Variants in PPARGC1B observed in about 807,000 individuals in gnomAD.
PPARGC1B encodes peroxisome proliferator-activated receptor gamma coactivator 1-beta.
In PPARGC1B, 34 loss-of-function variants were observed where a neutral mutation model predicts 101.6. The observed-to-expected ratio is 0.33, with a 90% CI of 0.25 to 0.45. PPARGC1B has a LOEUF of 0.45. Ranked by LOEUF, PPARGC1B falls within the 20% of genes least tolerant of loss-of-function variation. PPARGC1B has a pLI of 1.00. For missense variants in PPARGC1B, 1,234 were observed against 1,317.6 expected (o/e 0.94, Z 0.98); for synonymous variants, 548 against 539.3 (o/e 1.02, Z -0.22).
At chr5:149,755,443 C>T (rs571018058) in intron 1 of PPARGC1B, among the ~76,000 whole-genome samples, 105 of 152,044 alleles carry the variant, frequency 6.9e-4, no homozygotes, top group African/African-American at 2.4e-3. Context: ...AGAGCCAATA[C>T]TTCAGAGCTG....
chr5:149,816,229 T>A (rs1227501988), intron 1 of PPARGC1B, among the ~76,000 whole-genome samples: 1 of 152,216 alleles, frequency 6.6e-6, no homozygotes, highest in East Asian at 1.9e-4. Context: ...CTGAGGTTTC[T>A]TTGTTTTTAT....
intron 1 of PPARGC1B, among the ~76,000 whole-genome samples, chr5:149,746,974 A>G (rs1755116484): frequency 6.6e-6 from 1 of 152,148 alleles, no homozygotes; most frequent in Non-Finnish European, 1.5e-5. Context: ...GTTGACATTT[A>G]GTTCTCTTTA....
rs761739239 is a variant in PPARGC1B at position 149,832,791 on chromosome 5, C to A, written c.718C>A (p.Pro240Thr). The change falls in exon 5 of 12, where the codon CCC (proline) becomes ACC (threonine). Residue 240 changes from proline to threonine, a missense_variant. This residue lies in a region of PPARGC1B where 734 missense variants were observed against 768.4 expected (regional missense o/e 0.96). Coordinates refer to ENST00000309241, the MANE Select transcript of PPARGC1B (RefSeq NM_133263.4). This position sits in a 1 kb window ranked among gnomAD's most constrained non-coding sequence, Gnocchi z 4.9. ...RGLQPPCLQS[P>T]RLPAKEDKEP... ...TCTGCAGCCACCATGCCTCCAGAGT[C>A]CCCGGCTCCCTGCCAAGGAGGACAA... 1.2e-6 allele frequency: 2 copies of A among 1,612,916 alleles called. No individual in the cohort carries two copies. The highest frequency in any genetic ancestry group is 1.7e-6 in the Non-Finnish European group (2 of 1,179,444).
intron 1 of PPARGC1B, among the ~76,000 whole-genome samples, chr5:149,743,051 GC>G (rs1446207900): frequency 6.6e-6 from 1 of 152,118 alleles, no homozygotes; most frequent in East Asian, 1.9e-4. Context: ...TTTATTCAGG[GC>G]CCACTGTGTG....
intron 1 of PPARGC1B, among the ~76,000 whole-genome samples, chr5:149,740,702 A>T (rs1276275540): frequency 8.5e-5 from 13 of 152,172 alleles, no homozygotes; most frequent in Admixed American, 8.5e-4. Context: ...AACTTCTCTG[A>T]CCTCAGTTTC....
intron 2 of PPARGC1B, among the ~76,000 whole-genome samples, chr5:149,822,931 G>A (rs1251629186): frequency 1.3e-5 from 2 of 152,188 alleles, no homozygotes; most frequent in Non-Finnish European, 2.9e-5. Flanking sequence ...TGGGAATCAC[G>A]GAGTCTTGCT....
intron 1 of PPARGC1B, among the ~76,000 whole-genome samples, chr5:149,739,349 C>T (rs990419208): frequency 6.6e-6 from 1 of 152,206 alleles, no homozygotes; most frequent in South Asian, 2.1e-4. Context: ...GACTGGCTTT[C>T]CCCATTTTGT....
At chr5:149,746,808 T>C (rs188360327) in intron 1 of PPARGC1B, among the ~76,000 whole-genome samples, 24 of 152,300 alleles carry the variant, frequency 1.6e-4, no homozygotes, top group Admixed American at 1.1e-3. Context: ...CTAATGGATG[T>C]GAGGTGGTTA....
rs761639999 is a variant in PPARGC1B at position 149,833,873 on chromosome 5, G to A, written c.1705+95G>A. The A allele has an allele frequency of 7.6e-5, 108 of 1,414,242 alleles. No individual in the cohort carries two copies. Among genetic ancestry groups the A allele is most frequent in the African/African-American group, 6.2e-4 (43 of 69,560 alleles). 87.6% of individuals were successfully genotyped at this position (1,414,242 alleles called of 1,614,324 possible). On this transcript the variant is annotated intron_variant, in intron 5 of 11. Coordinates refer to ENST00000309241, the MANE Select transcript of PPARGC1B (RefSeq NM_133263.4). This position sits in a 1 kb window ranked among gnomAD's most constrained non-coding sequence, Gnocchi z 4.1. ...CCAGGAGCCCTGTGTTCAAGTCCCC[G>A]TCCCCCAACAAAGTGTTATATGGGT...
intron 7 of PPARGC1B, 74 bp downstream of exon 7, chr5:149,835,439 T>C (rs1759010369): frequency 7.5e-7 from 1 of 1,341,842 alleles, no homozygotes; most frequent in Non-Finnish European, 1.1e-6. Flanking sequence ...TCATCATGCA[T>C]GGGCAAGGTG....
intron 3 of PPARGC1B, 43 bp from the exon 4 acceptor site, chr5:149,830,724 T>C (rs1045897662): frequency 1.4e-6 from 2 of 1,454,926 alleles, no homozygotes; most frequent in African/African-American, 1.4e-5. Flanking sequence ...GTCCTCTGGC[T>C]GTGGCTCAGC....
intron 1 of PPARGC1B, among the ~76,000 whole-genome samples, chr5:149,809,077 A>G (rs1338517970): frequency 6.6e-6 from 1 of 151,624 alleles, no homozygotes; most frequent in Non-Finnish European, 1.5e-5. Flanking sequence ...GGAGTTTGAG[A>G]CCGGCCTGGA....
intron 8 of PPARGC1B, among the ~76,000 whole-genome samples, chr5:149,839,131 T>C (rs1175418732): frequency 3.3e-5 from 5 of 152,304 alleles, no homozygotes; most frequent in East Asian, 1.9e-4. Flanking sequence ...AGAGATTACA[T>C]AGAAAAATAG....
chr5:149,823,934 C>G (rs1461708704), intron 2 of PPARGC1B, among the ~76,000 whole-genome samples: 1 of 152,180 alleles, frequency 6.6e-6, no homozygotes, highest in Non-Finnish European at 1.5e-5. Context: ...TAGTCCTACC[C>G]CTGACTCACT....
intron 1 of PPARGC1B, among the ~76,000 whole-genome samples, chr5:149,749,132 G>A (rs2113112888): frequency 6.6e-6 from 1 of 152,124 alleles, no homozygotes; most frequent in Non-Finnish European, 1.5e-5. Context: ...GAATCGGTGG[G>A]GCCAGGCACC....
intron 1 of PPARGC1B, among the ~76,000 whole-genome samples, chr5:149,796,786 G>A (rs2113276322): frequency 6.6e-6 from 1 of 152,304 alleles, no homozygotes; most frequent in East Asian, 1.9e-4. Context: ...GCCATTTACT[G>A]ACCTAGGAGA....
chr5:149,775,328 C>T (rs1431695119), intron 1 of PPARGC1B, among the ~76,000 whole-genome samples: 1 of 152,158 alleles, frequency 6.6e-6, no homozygotes, highest in Non-Finnish European at 1.5e-5. Context: ...CTTGTGTAAC[C>T]TTGGACAGCT....
chr5:149,730,313 T>C lies in PPARGC1B; in HGVS notation c.-30T>C. ...CCCCCCGGGCCGGCTCGGCGTTGAC[T>C]CCGCCGCACGCTGCAGCCGCGGCTG... On this transcript the variant is annotated 5_prime_UTR_variant, in exon 1 of 12. Transcript: ENST00000309241. The surrounding 1 kb of genome is among the most constrained non-coding windows in gnomAD (Gnocchi z 4.0). 6.6e-7 allele frequency: 1 copy of C among 1,519,538 alleles called. No individual in the cohort carries two copies. The highest frequency in any genetic ancestry group is 8.8e-7 in the Non-Finnish European group (1 of 1,133,970). 94.1% of individuals were successfully genotyped at this position (1,519,538 alleles called of 1,614,324 possible).
intron 1 of PPARGC1B, among the ~76,000 whole-genome samples, chr5:149,780,479 A>G (rs750369780): frequency 1.3e-5 from 2 of 152,064 alleles, no homozygotes; most frequent in Admixed American, 6.6e-5. Context: ...CGGATTCCCC[A>G]TGTGTACAGT....
Sources: allele counts gnomAD v4.1 joint callset (sites outside exome capture counted in the v4.1 genomes callset), GRCh38; gene constraint gnomAD v4.1.1; regional missense constraint gnomAD v4.1.1; non-coding constraint Gnocchi (gnomAD v3.1); transcripts MANE v1.5; gene names NCBI Gene and HGNC (gene_info 2026-07-23, HGNC 2026-07-21).